Variants in LRP3 observed in about 807,000 individuals in gnomAD.
The protein encoded by LRP3 is LDL receptor related protein 3.
LRP3 carries 49 observed loss-of-function variants against 58.5 expected under a neutral mutation model. The observed-to-expected ratio is 0.84, with a 90% CI of 0.67 to 1.06. The LOEUF (loss-of-function observed/expected upper bound fraction) is 1.06. Among genes scored for constraint, LRP3 ranks in the 50% least tolerant of loss-of-function variants. The pLI, the probability that LRP3 is intolerant of heterozygous loss-of-function variation, is 0.00. For synonymous variants in LRP3, 485 were observed against 492.2 expected, an observed-to-expected ratio of 0.99 and a Z score of 0.20; for missense variants, 1,019 against 1,134.2, an observed-to-expected ratio of 0.90 and a Z score of 1.46.
rs748248242 is a variant in LRP3, at chr19:33,207,260, G to GC, written c.2004dup (p.Ser669GlnfsTer96). ...GCAGCACCAGGGCGGCCGGAGACAG[G>GC]CCCCCCAGTGCCCCCGGCCGTGCAC... On this transcript the variant is annotated frameshift_variant, in exon 7 of 7. Transcript: ENST00000253193. LOFTEE classifies it low-confidence loss of function (END_TRUNC). 11 of 1,549,440 alleles carry GC rather than the reference G, an allele frequency of 7.1e-6. No homozygotes were observed. Among genetic ancestry groups the GC allele is most frequent in the Non-Finnish European group, 9.5e-6 (11 of 1,155,742 alleles).
intron 1 of LRP3, 59 bp from the exon 2 acceptor site, chr19:33,196,671 T>C (rs949823086): frequency 6.0e-6 from 9 of 1,492,790 alleles, no homozygotes; most frequent in Non-Finnish European, 8.4e-6. Context: ...CCTCATGGGC[T>C]GCTGCTGGTC....
rs759254115 is a variant in LRP3 at position 33,196,884 on chromosome 19, G to A, written c.121+107G>A. 7.8e-6 allele frequency: 8 copies of A among 1,026,732 alleles called. No individual in the cohort carries two copies. The African/African-American group carries it at 9.5e-5, about 12-fold the overall frequency. The allele number at this position is 1,026,732 out of a possible 1,614,324, so 63.6% of individuals were successfully genotyped here. A position where few individuals can be genotyped will look rare whatever the true frequency, so the allele number is the denominator to read the frequency against. On this transcript the variant is annotated intron_variant, in intron 2 of 6. Transcript: ENST00000253193. The stretch of plus-strand genomic sequence containing the variant: ...CTGGCACTACCCCGAGTTCCTGTGT[G>A]CATCTTTTCTACATCACAAAGGAGC...
In LRP3 at chr19:33,207,289, A is replaced by T; in HGVS notation, c.2027A>T (p.Glu676Val). The change falls in exon 7 of 7, where the codon GAG becomes GTG. Residue 676 changes from glutamate to valine, a missense_variant. By Grantham distance (121) the Glu-to-Val change is moderately radical. Coordinates refer to ENST00000253193, the MANE Select transcript of LRP3 (RefSeq NM_002333.4). ...CCCAGTGCCCCCGGCCGTGCACCGG[A>T]GGTGGGACCTTCAGGGCCACCCTTG... Reference protein sequence around the residue: ...RPPSAPGRAPEVGPSGPPLPS... With the variant: ...RPPSAPGRAPVVGPSGPPLPS... The T allele has an allele frequency of 6.4e-7, 1 of 1,559,638 alleles. No individual in the cohort carries two copies. Among genetic ancestry groups the T allele is most frequent in the African/African-American group, 1.3e-5 (1 of 74,224 alleles).
chr19:33,201,481 T>C (rs1032311576), intron 2 of LRP3, among the ~76,000 whole-genome samples: 1 of 151,812 alleles, frequency 6.6e-6, no homozygotes. Flanking sequence ...CTGTAGTGAA[T>C]TGTGGTTTTG....
chr19:33,207,052 G>T lies in LRP3; in HGVS notation c.1790G>T (p.Arg597Leu). The T allele has an allele frequency of 1.3e-6, 2 of 1,484,812 alleles. No homozygotes were observed. The highest frequency in any genetic ancestry group is 2.5e-5 in the East Asian group (1 of 39,548). 92.0% of individuals were successfully genotyped at this position (1,484,812 alleles called of 1,614,324 possible). ...CAGATGCGTCGGCACGCCTCCCGCCGGGGGCCCTCCCGCCGCCGCCTCGGC... is the reference window on the plus strand; with the variant it reads ...CAGATGCGTCGGCACGCCTCCCGCCTGGGGCCCTCCCGCCGCCGCCTCGGC... ...RRQMRRHASR[R>L]GPSRRRLGRL... The change falls in exon 7 of 7, where the codon CGG becomes CTG. Residue 597 changes from arginine (R) to leucine (L), a missense_variant. By Grantham distance (102) the Arg-to-Leu change is moderately radical. Around this residue, in one of 2 missense-constraint regions of LRP3, gnomAD observed 427 missense variants for 408.6 expected, o/e 1.04. Coordinates refer to ENST00000253193, the MANE Select transcript of LRP3 (RefSeq NM_002333.4).
In LRP3 at chr19:33,194,348, CT is replaced by C. The variant is rs998139971; in HGVS notation, c.-437del. Reference sequence around the variant, plus strand: ...GAGGACTGACAGACCCACGGACGCTCTACCGGCGGCACCCGGCCGGGCGGGC... The same window carrying C: ...GAGGACTGACAGACCCACGGACGCTCACCGGCGGCACCCGGCCGGGCGGGC... On this transcript the variant is annotated 5_prime_UTR_variant, in exon 1 of 7. Coordinates refer to ENST00000253193, the MANE Select transcript of LRP3 (RefSeq NM_002333.4). Among the ~76,000 whole-genome samples, 2 of 145,674 alleles carry C rather than the reference CT, an allele frequency of 1.4e-5. No homozygotes were observed. The highest frequency in any genetic ancestry group is 4.9e-5 in the African/African-American group (2 of 40,652).
Position 33,204,647 on chromosome 19 carries a change from C to A in LRP3, c.270C>A (p.Asn90Lys). 1 of 1,605,312 alleles carries A rather than the reference C, an allele frequency of 6.2e-7. No individual in the cohort carries two copies. Reference sequence around the variant, plus strand: ...CTCCGCCCCCCCGCAGCTTCCGCAACTTTGACGTGGAGGAGTCCCACCAGT... The same window carrying A: ...CTCCGCCCCCCCGCAGCTTCCGCAAATTTGACGTGGAGGAGTCCCACCAGT... The part of the protein sequence containing the change: ...RGDMITISFR[N>K]FDVEESHQCS... Residue 90 changes from asparagine to lysine, a missense_variant, in exon 4 of 7, where the codon AAC becomes AAA. Transcript: ENST00000253193.
intron 2 of LRP3, among the ~76,000 whole-genome samples, chr19:33,197,572 G>A (rs1974298452): frequency 6.6e-6 from 1 of 152,216 alleles, no homozygotes; most frequent in Non-Finnish European, 1.5e-5. Context: ...GATTGTAGTG[G>A]GCTATGACGG....
At chr19:33,201,443 G>T (rs552465272) in intron 2 of LRP3, among the ~76,000 whole-genome samples, 1 of 152,302 alleles carries the variant, frequency 6.6e-6, no homozygotes, top group Non-Finnish European at 1.5e-5. Flanking sequence ...ATGAGGCAGA[G>T]TGTGGGGCAG....
At chr19:33,197,729 G>A (rs1974300451) in intron 2 of LRP3, among the ~76,000 whole-genome samples, 2 of 152,154 alleles carry the variant, frequency 1.3e-5, no homozygotes, top group Admixed American at 1.3e-4. Context: ...GGCAGGAGGT[G>A]CCTGGGTTTC....
At position 33,207,146 on chromosome 19, in the gene LRP3, A is replaced by G. The variant is rs1341115323; in HGVS notation, c.1884A>G (p.Ala628=). The change falls in exon 7 of 7, where the codon GCA becomes GCG. Residue 628 remains alanine (A), a synonymous_variant. Transcript: ENST00000253193. The part of the protein sequence containing the change: ...PRGQIPLLTA[A]RPSQTVLGDG... The stretch of plus-strand genomic sequence containing the variant: ...GCCAGATCCCACTGCTGACCGCAGC[A>G]CGCCCCTCACAGACCGTGCTGGGCG... 1 of 1,535,118 alleles carries G rather than the reference A, an allele frequency of 6.5e-7. No homozygotes were observed. The highest frequency in any genetic ancestry group is 8.7e-7 in the Non-Finnish European group (1 of 1,144,502).
Position 33,206,752 on chromosome 19 carries a change from T to G in LRP3, c.1725+19T>G, listed in dbSNP as rs770093338. ...GTCCCAGGTGAGCCCCCGGAGGGCGTGAGGCCCCTCCGGGGCCACTTGGGA... is the reference window on the plus strand; with the variant it reads ...GTCCCAGGTGAGCCCCCGGAGGGCGGGAGGCCCCTCCGGGGCCACTTGGGA... On this transcript the variant is annotated intron_variant, in intron 6 of 6. Transcript: ENST00000253193. 1 of 1,507,416 alleles carries G rather than the reference T, an allele frequency of 6.6e-7. No individual in the cohort carries two copies. Among genetic ancestry groups the G allele is most frequent in the South Asian group, 1.4e-5 (1 of 73,386 alleles). The allele number at this position is 1,507,416 out of a possible 1,614,324, so 93.4% of individuals were successfully genotyped here.
chr19:33,204,869 G>C lies in LRP3; in HGVS notation c.475+17G>C. On this transcript the variant is annotated intron_variant, in intron 4 of 6. Coordinates refer to ENST00000253193, the MANE Select transcript of LRP3 (RefSeq NM_002333.4). Reference sequence around the variant, plus strand: ...ACATCCGAGGTGATGGAGGCTGCAGGGCAGGCAGGACACCACGGAGCACAC... The same window carrying C: ...ACATCCGAGGTGATGGAGGCTGCAGCGCAGGCAGGACACCACGGAGCACAC... The C allele has an allele frequency of 6.2e-7, 1 of 1,610,048 alleles. No individual in the cohort carries two copies. The highest frequency in any genetic ancestry group is 8.5e-7 in the Non-Finnish European group (1 of 1,178,468).
At position 33,205,728 on chromosome 19, in the gene LRP3, C is replaced by T. The variant is rs769353804; in HGVS notation, c.958C>T (p.Arg320Cys). Residue 320 changes from arginine (R) to cysteine (C), a missense_variant, in exon 5 of 7, where the codon CGC (arginine) becomes TGC (cysteine). By Grantham distance (180) the Arg-to-Cys change is radical. Transcript: ENST00000253193. The stretch of plus-strand genomic sequence containing the variant: ...CGAGGGCCTGGGCGAGCGCGGGGAC[C>T]GCCTGCTGCAGACGCTGTCCTACCG... Reference protein sequence around the residue: ...VYEGLGERGDRLLQTLSYRSN... With the variant: ...VYEGLGERGDCLLQTLSYRSN... 1.9e-5 allele frequency: 30 copies of T among 1,599,596 alleles called. No homozygotes were observed. The highest frequency in any genetic ancestry group is 4.0e-5 in the African/African-American group (3 of 74,830).
intron 3 of LRP3, among the ~76,000 whole-genome samples, chr19:33,203,549 T>C (rs968882507): frequency 6.6e-6 from 1 of 152,234 alleles, no homozygotes; most frequent in African/African-American, 2.4e-5. Flanking sequence ...TGTGAATGCA[T>C]GCACGCAAGT....
intron 2 of LRP3, among the ~76,000 whole-genome samples, chr19:33,197,694 C>T (rs189360404): frequency 1.2e-4 from 19 of 152,266 alleles, no homozygotes; most frequent in Non-Finnish European, 2.5e-4. Context: ...CTGACTTGTT[C>T]GTTGCCTGCT....
At chr19:33,196,698 G>C in intron 1 of LRP3, 32 bp from the exon 2 acceptor site, 2 of 1,611,892 alleles carry the variant, frequency 1.2e-6, no homozygotes, top group Non-Finnish European at 1.7e-6. Context: ...AGGTATGTGG[G>C]ACCCCTGACC....
In LRP3 at chr19:33,208,637, C is replaced by G; in HGVS notation, c.*1062C>G. On this transcript the variant is annotated 3_prime_UTR_variant, in exon 7 of 7. Coordinates refer to ENST00000253193, the MANE Select transcript of LRP3 (RefSeq NM_002333.4). The surrounding 1 kb of genome is among the most constrained non-coding windows in gnomAD (Gnocchi z 4.7). ...ACGCCCCAGCCACTCCCATCTGTGC[C>G]CATCAGGGACTCCCCATAGCACGAG... is the stretch of plus-strand genomic sequence containing the variant. 2.4e-5 allele frequency: 13 copies of G among 547,696 alleles called. No individual in the cohort carries two copies. The South Asian group carries it at 2.5e-4, about 10-fold the overall frequency. The allele number at this position is 547,696 out of a possible 1,614,324, so 33.9% of individuals were successfully genotyped here. A position where few individuals can be genotyped will look rare whatever the true frequency, so the allele number is the denominator to read the frequency against.
In LRP3 at chr19:33,207,826, C is replaced by T. The variant is rs1423906924; in HGVS notation, c.*251C>T. ...ACACAAGCACCCTGGGGTCTCACTT[C>T]TCTCCCCCCACTCCATTCTGGGAAC... On this transcript the variant is annotated 3_prime_UTR_variant, in exon 7 of 7. Coordinates refer to ENST00000253193, the MANE Select transcript of LRP3 (RefSeq NM_002333.4). The T allele has an allele frequency of 5.6e-6, 3 of 538,126 alleles. No individual in the cohort carries two copies. Among genetic ancestry groups the T allele is most frequent in the South Asian group, 4.8e-5 (2 of 41,594 alleles). 33.3% of individuals were successfully genotyped at this position (538,126 alleles called of 1,614,324 possible). A position where few individuals can be genotyped will look rare whatever the true frequency, so the allele number is the denominator to read the frequency against.
Sources: gnomAD v4.1 joint callset for allele counts (sites outside exome capture counted in the v4.1 genomes callset) on GRCh38, gnomAD v4.1.1 for gene constraint, gnomAD v4.1.1 regional missense constraint, Gnocchi (gnomAD v3.1) non-coding constraint, MANE v1.5 for transcripts, NCBI Gene and HGNC (gene_info 2026-07-23, HGNC 2026-07-21) for gene names.